Variants in MCM10 observed in about 807,000 individuals in gnomAD.
MCM10 encodes the protein protein MCM10 homolog.
In MCM10, 91 loss-of-function variants were observed where a neutral mutation model predicts 109.9. That is an observed-to-expected ratio of 0.83 (90% CI 0.70 to 0.99). The LOEUF (loss-of-function observed/expected upper bound fraction) is 0.99. MCM10 is among the 50% of genes least tolerant of loss of function. The pLI, the probability that MCM10 is intolerant of heterozygous loss-of-function variation, is 0.00. For synonymous variants in MCM10, 380 were observed against 387.2 expected, an observed-to-expected ratio of 0.98 and a Z score of 0.22; for missense variants, 1,077 against 1,061.2, an observed-to-expected ratio of 1.01 and a Z score of -0.21.
Position 13,162,628 on chromosome 10 carries a change from G to C in MCM10, c.-76+1022G>C, listed in dbSNP as rs1245608463. On this transcript the variant is annotated intron_variant, in intron 1 of 19. Coordinates refer to ENST00000378714, the MANE Select transcript of MCM10 (RefSeq NM_018518.5). ...GGCCGTGGATTTGAGGGCGAGGGAGGGTGCACAGTTTCATTTTGGGGGAAG... is the reference window on the plus strand; with the variant it reads ...GGCCGTGGATTTGAGGGCGAGGGAGCGTGCACAGTTTCATTTTGGGGGAAG... 7.9e-5 allele frequency among the ~76,000 whole-genome samples: 12 copies of C among 151,964 alleles called. 1 individual carries two copies. Among genetic ancestry groups the C allele is most frequent in the Admixed American group, 7.9e-4 (12 of 15,234 alleles).
intron 2 of MCM10, among the ~76,000 whole-genome samples, chr10:13,166,274 A>G (rs1338143830): frequency 6.6e-6 from 1 of 152,150 alleles, no homozygotes; most frequent in Non-Finnish European, 1.5e-5. Flanking sequence ...GAGGGAAAGC[A>G]GAGAAGATAC....
At chr10:13,177,779 A>G (rs1834161189) in intron 6 of MCM10, among the ~76,000 whole-genome samples, 1 of 151,456 alleles carries the variant, frequency 6.6e-6, no homozygotes, top group Non-Finnish European at 1.5e-5. Context: ...TGAGTGGGGA[A>G]GTCAAGGCTG....
chr10:13,199,144 C>T (rs1396379077), intron 16 of MCM10, among the ~76,000 whole-genome samples: 1 of 152,238 alleles, frequency 6.6e-6, no homozygotes, highest in East Asian at 1.9e-4. Context: ...GATCCTCCAG[C>T]CTTGGCCTCC....
intron 11 of MCM10, 60 bp downstream of exon 11, chr10:13,191,459 T>A (rs536105334): frequency 4.2e-5 from 58 of 1,386,124 alleles, no homozygotes; most frequent in Middle Eastern, 1.8e-4. Flanking sequence ...GCCTTAGGGA[T>A]AAAAGACTAC....
Position 13,204,323 on chromosome 10 carries a change from CAGA to C in MCM10, c.2460_2462del (p.Arg820del). On this transcript the variant is annotated inframe_deletion, in exon 18 of 20. Coordinates refer to ENST00000378714, the MANE Select transcript of MCM10 (RefSeq NM_018518.5). ...GGTTTTTCAAATGTCCCTGTGGAAACAGAAGCATCTCCTTGGACAGACTCCCGA... is the reference window on the plus strand; with the variant it reads ...GGTTTTTCAAATGTCCCTGTGGAAACAGCATCTCCTTGGACAGACTCCCGA... 1 of 1,614,220 alleles carries C rather than the reference CAGA, an allele frequency of 6.2e-7. No individual in the cohort carries two copies. The highest frequency in any genetic ancestry group is 8.5e-7 in the Non-Finnish European group (1 of 1,180,038).
intron 5 of MCM10, among the ~76,000 whole-genome samples, chr10:13,173,299 T>TAGTAACCA (rs1446046768): frequency 6.6e-6 from 1 of 152,176 alleles, no homozygotes; most frequent in Admixed American, 6.5e-5. Context: ...TTACCTGGAC[T>TAGTAACCA]GTAGTAAGTA....
At chr10:13,201,226 C>T (rs943087911) in intron 16 of MCM10, among the ~76,000 whole-genome samples, 195 bp from the exon 17 acceptor site, 1 of 152,222 alleles carries the variant, frequency 6.6e-6, no homozygotes, top group Non-Finnish European at 1.5e-5. Context: ...CGTTTCTATG[C>T]ATCATCATCT....
chr10:13,192,212 A>G (rs913714093), intron 11 of MCM10, 43 bp from the exon 12 acceptor site: 2 of 1,352,882 alleles, frequency 1.5e-6, no homozygotes, highest in Non-Finnish European at 2.1e-6. Context: ...ACCTCAAACC[A>G]TCTGAATGTG....
At chr10:13,189,306 C>T (rs1216672292) in intron 10 of MCM10, among the ~76,000 whole-genome samples, 2 of 151,938 alleles carry the variant, frequency 1.3e-5, no homozygotes, top group East Asian at 3.9e-4. Flanking sequence ...TTTAAGAGAG[C>T]CCACTCTTCC....
chr10:13,164,846 C>T (rs1833973545), intron 2 of MCM10, among the ~76,000 whole-genome samples: 1 of 151,758 alleles, frequency 6.6e-6, no homozygotes, highest in African/African-American at 2.4e-5. Context: ...ATTGCTTGAG[C>T]CCAAGAGTTC....
rs1457843423 is a variant in MCM10 at position 13,210,854 on chromosome 10, C to T, written c.*1544C>T. ...TCATTTAGGGTAGATTTATTTATCT[C>T]ATTAACTTAAAACAGCTATGTGTAT... On this transcript the variant is annotated 3_prime_UTR_variant, in exon 20 of 20. Coordinates refer to ENST00000378714, the MANE Select transcript of MCM10 (RefSeq NM_018518.5). The T allele has an allele frequency of 2.0e-5, 3 of 152,298 alleles. No individual in the cohort carries two copies. Among genetic ancestry groups the T allele is most frequent in the East Asian group, 3.9e-4 (2 of 5,186 alleles). 9.4% of individuals were successfully genotyped at this position (152,298 alleles called of 1,614,324 possible).
Position 13,172,874 on chromosome 10 carries a change from C to A in MCM10, c.592+109C>A. 9.9e-7 allele frequency: 1 copy of A among 1,012,520 alleles called. No homozygotes were observed. 62.7% of individuals were successfully genotyped at this position (1,012,520 alleles called of 1,614,324 possible). On this transcript the variant is annotated intron_variant, in intron 5 of 19. Transcript: ENST00000378714. The surrounding 1 kb of genome is among the most constrained non-coding windows in gnomAD (Gnocchi z 5.2). ...TGTCTTTTGGTCTGTCTTATGTCCCCATTGAGAAAGAAAGTTTCTTGGGAA... is the reference window on the plus strand; with the variant it reads ...TGTCTTTTGGTCTGTCTTATGTCCCAATTGAGAAAGAAAGTTTCTTGGGAA...
chr10:13,204,104 C>T, intron 17 of MCM10, 115 bp from the exon 18 acceptor site: 1 of 1,298,732 alleles, frequency 7.7e-7, no homozygotes, highest in Non-Finnish European at 1.1e-6. Flanking sequence ...CTAGCAAGGG[C>T]CCAGGTAGTG....
In MCM10 at chr10:13,209,115, A is replaced by G. The variant is rs150397806; in HGVS notation, c.2523A>G (p.Glu841=). ...HCSNCGLYKW[E]RDGMLKEKTG... is the part of the protein sequence containing the mutation. ...GTAACTGTGGCCTCTACAAATGGGA[A>G]CGGGACGGAATGCTAAAGGTATGCC... The change falls in exon 19 of 20, where the codon GAA becomes GAG. Residue 841 remains glutamate (E), a synonymous_variant. Transcript: ENST00000378714. 3 of 1,613,184 alleles carry G rather than the reference A, an allele frequency of 1.9e-6. No homozygotes were observed. The highest frequency in any genetic ancestry group is 2.5e-6 in the Non-Finnish European group (3 of 1,179,196).
In MCM10 at chr10:13,210,896, G is replaced by A. The variant is rs923479320; in HGVS notation, c.*1586G>A. ...TATGTGTATGAAATAGGTCACAACAGAACTTGAACACCAGGTTGGTGTCTG... is the reference window on the plus strand; with the variant it reads ...TATGTGTATGAAATAGGTCACAACAAAACTTGAACACCAGGTTGGTGTCTG... On this transcript the variant is annotated 3_prime_UTR_variant, in exon 20 of 20. Coordinates refer to ENST00000378714, the MANE Select transcript of MCM10 (RefSeq NM_018518.5). The A allele has an allele frequency of 1.3e-5, 2 of 152,142 alleles. No homozygotes were observed. Among genetic ancestry groups the A allele is most frequent in the African/African-American group, 4.8e-5 (2 of 41,428 alleles). The allele number at this position is 152,142 out of a possible 1,614,324, so 9.4% of individuals were successfully genotyped here. A position where few individuals can be genotyped will look rare whatever the true frequency, so the allele number is the denominator to read the frequency against.
At position 13,182,880 on chromosome 10, in the gene MCM10, G is replaced by A. The variant is rs574824675; in HGVS notation, c.931-53G>A. ...ATAGTAAAACTCTTGAATCATAAAT[G>A]AGGACGGCATAACCTACAGTTCAAA... On this transcript the variant is annotated intron_variant, in intron 7 of 19. Transcript: ENST00000378714. The surrounding 1 kb of genome is among the most constrained non-coding windows in gnomAD (Gnocchi z 4.2). 1.9e-5 allele frequency: 26 copies of A among 1,391,918 alleles called. No homozygotes were observed. Among genetic ancestry groups the A allele is most frequent in the South Asian group, 1.7e-4 (13 of 77,002 alleles). 86.2% of individuals were successfully genotyped at this position (1,391,918 alleles called of 1,614,324 possible). A position where few individuals can be genotyped will look rare whatever the true frequency, so the allele number is the denominator to read the frequency against.
rs1277420325 is a variant in MCM10 at position 13,204,578 on chromosome 10, G to A, written c.2498+214G>A. On this transcript the variant is annotated intron_variant, in intron 18 of 19. Transcript: ENST00000378714. The stretch of plus-strand genomic sequence containing the variant: ...TCCCCAACACCTAATATAGTGCCTG[G>A]CCCATAAGGGGTCCTCAGAAGTGTT... 3.3e-5 allele frequency: 17 copies of A among 509,276 alleles called. No individual in the cohort carries two copies. The East Asian group carries it at 5.4e-4, about 16-fold the overall frequency. The allele number at this position is 509,276 out of a possible 1,614,324, so 31.5% of individuals were successfully genotyped here.
At position 13,195,051 on chromosome 10, in the gene MCM10, A is replaced by C; in HGVS notation, c.1756A>C (p.Ser586Arg). 1 of 1,613,462 alleles carries C rather than the reference A, an allele frequency of 6.2e-7. No homozygotes were observed. The highest frequency in any genetic ancestry group is 1.1e-5 in the South Asian group (1 of 90,960). ...SEEIQKRFLQSSSEVESPAVP... is the reference protein window; with the variant it reads ...SEEIQKRFLQRSSEVESPAVP... ...GTATGTTCTTTAAAGATTTCTGCAG[A>C]GCTCAAGTGAAGTTGAGAGCCCAGC... Residue 586 changes from serine (S) to arginine (R), a missense_variant, in exon 14 of 20, where the codon AGC (serine) becomes CGC (arginine). Coordinates refer to ENST00000378714, the MANE Select transcript of MCM10 (RefSeq NM_018518.5).
chr10:13,189,131 CTA>C (rs1334653562), intron 10 of MCM10, 51 bp downstream of exon 10: 1 of 1,578,112 alleles, frequency 6.3e-7, no homozygotes, highest in African/African-American at 1.3e-5. Context: ...TTATCAAAGA[CTA>C]AACCTACTGG....
Sources: allele counts gnomAD v4.1 joint callset (sites outside exome capture counted in the v4.1 genomes callset), GRCh38; gene constraint gnomAD v4.1.1; non-coding constraint Gnocchi (gnomAD v3.1); transcripts MANE v1.5; gene names NCBI Gene and HGNC (gene_info 2026-07-23, HGNC 2026-07-21).